NPAS3: variants seen among roughly 807,000 people sequenced by gnomAD.
NPAS3 encodes the protein neuronal PAS domain protein 3.
Under a neutral mutation model 73.1 loss-of-function variants are expected in NPAS3, and 14 were observed. The ratio of observed to expected loss-of-function variants is 0.19; its 90% CI spans 0.13 to 0.30. NPAS3 has a LOEUF of 0.30. NPAS3 is among the 10% of genes least tolerant of loss of function. NPAS3 has a pLI of 1.00. For missense variants in NPAS3, 1,096 were observed against 1,250.0 expected (o/e 0.88, Z 1.86); for synonymous variants, 620 against 541.5 (o/e 1.14, Z -2.01).
chr14:33,586,184 A>G (rs891221598), intron 5 of NPAS3, among the ~76,000 whole-genome samples: 4 of 139,144 alleles, frequency 2.9e-5, no homozygotes, highest in African/African-American at 1.1e-4. Context: ...TCTTAAAAAT[A>G]TGTTCTATTT....
At chr14:33,351,791 A>G (rs1306007821) in intron 3 of NPAS3, among the ~76,000 whole-genome samples, 3 of 152,124 alleles carry the variant, frequency 2.0e-5, no homozygotes, top group Admixed American at 1.3e-4. Flanking sequence ...CATGTGATTT[A>G]CTCTATAAAA....
chr14:33,497,606 C>T (rs1318379458), intron 4 of NPAS3, among the ~76,000 whole-genome samples: 2 of 152,088 alleles, frequency 1.3e-5, no homozygotes, highest in African/African-American at 4.8e-5. Flanking sequence ...GAAAGGATTA[C>T]CTATATAACA....
intron 4 of NPAS3, among the ~76,000 whole-genome samples, chr14:33,515,993 C>T (rs2053276788): frequency 6.6e-6 from 1 of 152,104 alleles, no homozygotes; most frequent in South Asian, 2.1e-4. Context: ...CTATTTAACA[C>T]TTTCTATGAG....
chr14:33,739,257 C>G (rs1310115648), intron 7 of NPAS3, among the ~76,000 whole-genome samples: 1 of 152,106 alleles, frequency 6.6e-6, no homozygotes, highest in Non-Finnish European at 1.5e-5. Flanking sequence ...TGCAAGAACT[C>G]AAGATTCTTC....
intron 4 of NPAS3, among the ~76,000 whole-genome samples, chr14:33,479,609 C>A (rs1295390008): frequency 6.6e-6 from 1 of 152,186 alleles, no homozygotes; most frequent in Non-Finnish European, 1.5e-5. Context: ...GAGGGTACAG[C>A]AAAGTTCTTA....
At chr14:32,966,662 G>C (rs375632462) in intron 1 of NPAS3, among the ~76,000 whole-genome samples, 2 of 76,956 alleles carry the variant, frequency 2.6e-5, no homozygotes, top group African/African-American at 1.3e-4. Flanking sequence ...CCCAGCTACT[G>C]GGGAGGCTGA....
At chr14:33,386,794 C>G (rs17100921) in intron 4 of NPAS3, among the ~76,000 whole-genome samples, 2,179 of 152,192 alleles carry the variant, frequency 0.014, 56 homozygotes, top group African/African-American at 0.05. Flanking sequence ...AAGGTAATGC[C>G]TAACAGTGAT....
chr14:33,065,217 T>A (rs1373444713), intron 2 of NPAS3, among the ~76,000 whole-genome samples: 1 of 152,192 alleles, frequency 6.6e-6, no homozygotes, highest in Non-Finnish European at 1.5e-5. Context: ...GAAATAGTTT[T>A]GCAGTTATAG....
At chr14:33,528,070 C>T (rs974848195) in intron 4 of NPAS3, among the ~76,000 whole-genome samples, 8 of 152,066 alleles carry the variant, frequency 5.3e-5, no homozygotes, top group Non-Finnish European at 8.8e-5. Flanking sequence ...GAATTATTTT[C>T]CCCTTCAAGA....
chr14:33,394,674 A>T (rs1046816473), intron 4 of NPAS3, among the ~76,000 whole-genome samples: 3 of 152,178 alleles, frequency 2.0e-5, no homozygotes, highest in African/African-American at 4.8e-5. Flanking sequence ...TAAACATTTT[A>T]AAAATGCTGT....
At chr14:33,322,868 G>A (rs898452382) in intron 3 of NPAS3, among the ~76,000 whole-genome samples, 2 of 152,078 alleles carry the variant, frequency 1.3e-5, no homozygotes, top group African/African-American at 4.8e-5. Flanking sequence ...GGAGATATAG[G>A]TACTTTCTGC....
intron 3 of NPAS3, among the ~76,000 whole-genome samples, chr14:33,284,693 T>G (rs915774844): frequency 1.4e-4 from 21 of 152,240 alleles, no homozygotes; most frequent in Middle Eastern, 6.8e-3. Flanking sequence ...TTGCATAATA[T>G]GTATTGTTTA....
At chr14:33,455,316 G>T (rs771243342) in intron 4 of NPAS3, among the ~76,000 whole-genome samples, 2 of 152,120 alleles carry the variant, frequency 1.3e-5, no homozygotes, top group Non-Finnish European at 2.9e-5. Context: ...TTGGGGGGTG[G>T]GTAGAAGCCA....
chr14:33,560,434 A>C, intron 5 of NPAS3: 2 of 399,760 alleles, frequency 5.0e-6, no homozygotes, highest in Admixed American at 4.0e-5. Context: ...CCCACCCCCC[A>C]AGGATCATTA....
chr14:33,042,154 A>G (rs1007232219), intron 1 of NPAS3, among the ~76,000 whole-genome samples: 1 of 152,158 alleles, frequency 6.6e-6, no homozygotes, highest in Admixed American at 6.6e-5. Flanking sequence ...AACTGTGGGC[A>G]CTGAGTCCTG....
At chr14:33,584,651 GA>G (rs1427660046) in intron 5 of NPAS3, among the ~76,000 whole-genome samples, 8 of 152,152 alleles carry the variant, frequency 5.3e-5, no homozygotes, top group African/African-American at 1.7e-4. Context: ...CCTGTCCTTG[GA>G]GTACCCACAG....
intron 2 of NPAS3, among the ~76,000 whole-genome samples, chr14:33,135,618 T>G (rs2043801368): frequency 6.6e-6 from 1 of 152,198 alleles, no homozygotes; most frequent in South Asian, 2.1e-4. Context: ...CAATTGTGAT[T>G]ATTTTGGATT....
At position 33,688,604 on chromosome 14, in the gene NPAS3, C is replaced by G. The variant is rs538969949; in HGVS notation, c.733+12219C>G. On this transcript the variant is annotated intron_variant, in intron 6 of 11. Transcript: ENST00000356141. ...GGTAAATCTCCCAAAGGTTTCTCATCAGACCTCAGGGTGTACTTCAAGCTT... is the reference window on the plus strand; with the variant it reads ...GGTAAATCTCCCAAAGGTTTCTCATGAGACCTCAGGGTGTACTTCAAGCTT... Among the ~76,000 whole-genome samples, 64 of 152,264 alleles carry G rather than the reference C, an allele frequency of 4.2e-4. 1 individual carries two copies. In the South Asian group the frequency reaches 0.011, roughly 26 times the overall value.
At chr14:33,207,281 A>T (rs2046866848) in intron 2 of NPAS3, among the ~76,000 whole-genome samples, 1 of 126,106 alleles carries the variant, frequency 7.9e-6, no homozygotes, top group East Asian at 2.5e-4. Context: ...ACACACACAC[A>T]CACACACACA....
Sources: allele counts gnomAD v4.1 joint callset (sites outside exome capture counted in the v4.1 genomes callset), GRCh38; gene constraint gnomAD v4.1.1; transcripts MANE v1.5; gene names NCBI Gene and HGNC (gene_info 2026-07-23, HGNC 2026-07-21).